Variants in TOP2B observed in about 807,000 individuals in gnomAD.
TOP2B encodes DNA topoisomerase 2-beta.
A neutral mutation model predicts 193.5 loss-of-function variants in TOP2B; 51 were observed. The observed-to-expected ratio is 0.26, with a 90% CI of 0.21 to 0.33. The LOEUF (loss-of-function observed/expected upper bound fraction) is 0.33. Ranked by LOEUF, TOP2B falls within the 10% of genes least tolerant of loss-of-function variation. The probability of loss-of-function intolerance (pLI) is 1.00; values close to 1 mark genes in which losing one functional copy is unlikely to be tolerated. For synonymous variants in TOP2B, 634 were observed against 635.7 expected (o/e 1.00, Z 0.04); for missense variants, 1,378 against 1,909.3 (o/e 0.72, Z 5.19).
intron 2 of TOP2B, among the ~76,000 whole-genome samples, chr3:25,644,078 T>C (rs1703343254): frequency 6.6e-6 from 1 of 151,860 alleles, no homozygotes; most frequent in South Asian, 2.1e-4. Context: ...ACATTACTTT[T>C]CATAAATAAT....
At chr3:25,602,967 A>C (rs1005553245) in intron 33 of TOP2B, among the ~76,000 whole-genome samples, 6 of 152,182 alleles carry the variant, frequency 3.9e-5, no homozygotes, top group African/African-American at 1.4e-4. Flanking sequence ...AGGAAAGCTG[A>C]GGACTTGCTG....
At chr3:25,616,573 T>G (rs950269649) in intron 25 of TOP2B, among the ~76,000 whole-genome samples, 4 of 152,014 alleles carry the variant, frequency 2.6e-5, no homozygotes, top group Admixed American at 2.0e-4. Flanking sequence ...TTAAGCCACA[T>G]TAGCCAAATA....
At chr3:25,656,434 C>A (rs758749749) in intron 1 of TOP2B, among the ~76,000 whole-genome samples, 67 of 151,660 alleles carry the variant, frequency 4.4e-4, no homozygotes, top group Non-Finnish European at 9.3e-4. Context: ...GCCTCCATCA[C>A]AAAAATAAAT....
In TOP2B at chr3:25,618,866, T is replaced by C. The variant is rs370506308; in HGVS notation, c.3064-17A>G. 572 of 1,569,706 alleles carry C rather than the reference T, an allele frequency of 3.6e-4. No homozygotes were observed. Among genetic ancestry groups the C allele is most frequent in the Non-Finnish European group, 4.3e-4 (492 of 1,153,480 alleles). On this transcript the variant is annotated splice_polypyrimidine_tract_variant and intron_variant, in intron 23 of 35. Coordinates refer to ENST00000264331, the MANE Select transcript of TOP2B (RefSeq NM_001330700.2). ...AAAAAGTACCTAAGCAAAACACATATACTTTGCAGATCATATAGATCTGTA... is the reference window on the plus strand; with the variant it reads ...AAAAAGTACCTAAGCAAAACACATACACTTTGCAGATCATATAGATCTGTA...
At chr3:25,624,848 T>C (rs1403575055) in intron 18 of TOP2B, 45 bp from the exon 19 acceptor site, 2 of 1,573,140 alleles carry the variant, frequency 1.3e-6, no homozygotes, top group South Asian at 1.2e-5. Context: ...CAAGATATAG[T>C]TGTAACAATT....
chr3:25,598,361 A>ATAT lies in TOP2B; in HGVS notation c.4824_4826dup (p.Lys1608_Tyr1609insTer). The ATAT allele has an allele frequency of 6.2e-7, 1 of 1,613,362 alleles. No homozygotes were observed. Among genetic ancestry groups the ATAT allele is most frequent in the Non-Finnish European group, 8.5e-7 (1 of 1,179,530 alleles). On this transcript the variant is annotated stop_gained, in exon 36 of 36. Transcript: ENST00000264331. LOFTEE classifies it high-confidence loss of function. Reference sequence around the variant, plus strand: ...CTTCTTCTTCATCAGACTCTGCAAAATATTTTACTTCTTTCCTAGCCCGAC... The same window carrying ATAT: ...CTTCTTCTTCATCAGACTCTGCAAAATATTATTTTACTTCTTTCCTAGCCCGAC...
chr3:25,646,036 G>GC, intron 1 of TOP2B, among the ~76,000 whole-genome samples: 1 of 151,450 alleles, frequency 6.6e-6, no homozygotes, highest in Non-Finnish European at 1.5e-5. Flanking sequence ...CTCCCAAAGT[G>GC]CTAGCATTAC....
chr3:25,655,574 T>C (rs554115312), intron 1 of TOP2B, among the ~76,000 whole-genome samples: 4 of 152,206 alleles, frequency 2.6e-5, no homozygotes, highest in African/African-American at 9.6e-5. Flanking sequence ...AAAGAGATAT[T>C]TGCACACCCA....
At chr3:25,608,647 C>G (rs926085358) in intron 30 of TOP2B, among the ~76,000 whole-genome samples, 2 of 152,124 alleles carry the variant, frequency 1.3e-5, no homozygotes, top group Non-Finnish European at 2.9e-5. Flanking sequence ...AGAAAACTCA[C>G]TAGATGTTAA....
At chr3:25,616,551 C>T (rs902410473) in intron 25 of TOP2B, among the ~76,000 whole-genome samples, 4 of 151,570 alleles carry the variant, frequency 2.6e-5, no homozygotes, top group Non-Finnish European at 4.4e-5. Flanking sequence ...TAAACAAAAA[C>T]TATAAATTTG....
At chr3:25,662,654 A>T (rs1703951287) in intron 1 of TOP2B, among the ~76,000 whole-genome samples, 1 of 152,240 alleles carries the variant, frequency 6.6e-6, no homozygotes, top group South Asian at 2.1e-4. Flanking sequence ...ATGGAGCTTG[A>T]AAGAAATAAA....
At chr3:25,638,122 A>T in intron 5 of TOP2B, 43 bp downstream of exon 5, 1 of 1,506,718 alleles carries the variant, frequency 6.6e-7, no homozygotes, top group Non-Finnish European at 9.0e-7. Context: ...ATTTTATATT[A>T]AGAAAACAGT....
At chr3:25,663,181 G>A (rs1353884590) in intron 1 of TOP2B, among the ~76,000 whole-genome samples, 1 of 152,134 alleles carries the variant, frequency 6.6e-6, no homozygotes, top group Non-Finnish European at 1.5e-5. Context: ...CTTTTTATAA[G>A]AAGCAGTTGT....
chr3:25,647,439 T>C (rs1703440771), intron 1 of TOP2B, among the ~76,000 whole-genome samples: 1 of 152,194 alleles, frequency 6.6e-6, no homozygotes. Context: ...TCTGCAATTA[T>C]TGACATAAAG....
chr3:25,639,372 G>C (rs1224309928), intron 4 of TOP2B, among the ~76,000 whole-genome samples: 1 of 131,522 alleles, frequency 7.6e-6, no homozygotes, highest in Non-Finnish European at 1.6e-5. Context: ...GCAATGACAC[G>C]ATCTCAGCTC....
At chr3:25,624,484 C>T in intron 19 of TOP2B, 39 bp from the exon 20 acceptor site, 1 of 1,581,666 alleles carries the variant, frequency 6.3e-7, no homozygotes. Flanking sequence ...CATTAATATT[C>T]TAAATTTTCT....
At position 25,630,784 on chromosome 3, in the gene TOP2B, A is replaced by T. The variant is rs201602093; in HGVS notation, c.1405+17T>A. The T allele has an allele frequency of 4.2e-4, 638 of 1,514,698 alleles. 1 individual carries two copies. The Middle Eastern group carries it at 5.0e-3, about 12-fold the overall frequency. The allele number at this position is 1,514,698 out of a possible 1,614,324, so 93.8% of individuals were successfully genotyped here. On this transcript the variant is annotated intron_variant, in intron 11 of 35. Transcript: ENST00000264331. ...TGAAACTTAAATCAAAATCTTATTT[A>T]AAAATATCAATCTTACCAGCATCAT...
chr3:25,624,192 T>C (rs1280421911), intron 20 of TOP2B, 105 bp downstream of exon 20: 1 of 1,331,294 alleles, frequency 7.5e-7, no homozygotes, highest in Non-Finnish European at 1.0e-6. Flanking sequence ...CTAAGTAGAA[T>C]AACCAGATAA....
chr3:25,643,666 A>G (rs1328306592), intron 3 of TOP2B, 28 bp downstream of exon 3: 1 of 1,507,492 alleles, frequency 6.6e-7, no homozygotes, highest in Non-Finnish European at 9.2e-7. Context: ...TAATAGAAAC[A>G]TGCATTAAAT....
Sources: allele counts gnomAD v4.1 joint callset (sites outside exome capture counted in the v4.1 genomes callset), GRCh38; gene constraint gnomAD v4.1.1; transcripts MANE v1.5; gene names NCBI Gene and HGNC (gene_info 2026-07-23, HGNC 2026-07-21).